Variants in LAMC1 observed in about 807,000 individuals in gnomAD.
LAMC1 encodes the protein laminin subunit gamma-1.
Under a neutral mutation model 173.6 loss-of-function variants are expected in LAMC1, and 38 were observed. The observed-to-expected ratio is 0.22, with a 90% CI of 0.17 to 0.29. The LOEUF is 0.29. LAMC1 is among the 10% of genes least tolerant of loss of function. The pLI is 1.00. For synonymous variants in LAMC1, 746 were observed against 749.1 expected, an observed-to-expected ratio of 1.00 and a Z score of 0.07; for missense variants, 1,824 against 2,051.8, an observed-to-expected ratio of 0.89 and a Z score of 2.14.
chr1:183,086,972 A>G (rs1161544468), intron 1 of LAMC1, among the ~76,000 whole-genome samples: 1 of 152,240 alleles, frequency 6.6e-6, no homozygotes, highest in African/African-American at 2.4e-5. Flanking sequence ...CTTTGGAGCT[A>G]GATGTATACA....
At chr1:183,119,388 C>T (rs778105565) in intron 11 of LAMC1, among the ~76,000 whole-genome samples, 1 of 152,036 alleles carries the variant, frequency 6.6e-6, no homozygotes, top group Non-Finnish European at 1.5e-5. Flanking sequence ...AAATATGAAT[C>T]TGGGGCTTAG....
intron 1 of LAMC1, among the ~76,000 whole-genome samples, chr1:183,030,414 T>A (rs1653819950): frequency 6.6e-6 from 1 of 152,212 alleles, no homozygotes; most frequent in Non-Finnish European, 1.5e-5. Context: ...CAGTGACACT[T>A]GTCTGGCATA....
chr1:183,100,520 C>T (rs150913217), intron 1 of LAMC1, among the ~76,000 whole-genome samples: 1 of 152,324 alleles, frequency 6.6e-6, no homozygotes, highest in East Asian at 1.9e-4. Flanking sequence ...GGCTTTCATA[C>T]ATGCCATTTC....
At chr1:183,111,806 G>T (rs999010237) in intron 4 of LAMC1, among the ~76,000 whole-genome samples, 2 of 152,136 alleles carry the variant, frequency 1.3e-5, no homozygotes, top group East Asian at 1.9e-4. Context: ...AGGCCTATGG[G>T]GTTGGATCAC....
chr1:183,107,850 A>G (rs1656026962), intron 2 of LAMC1, among the ~76,000 whole-genome samples: 1 of 151,936 alleles, frequency 6.6e-6, no homozygotes, highest in Non-Finnish European at 1.5e-5. Context: ...AAAAAAAAGG[A>G]CAGGGGCAGG....
At position 183,118,983 on chromosome 1, in the gene LAMC1, C is replaced by G. The variant is rs572257505; in HGVS notation, c.1990+837C>G. Among the ~76,000 whole-genome samples, 4 of 152,076 alleles carry G rather than the reference C, an allele frequency of 2.6e-5. No individual in the cohort carries two copies. The East Asian group carries it at 7.8e-4, about 29-fold the overall frequency. ...GCATGATCTTGGCTCACTGCAACCT[C>G]CGCCTCCTGGTTCAAGCGATTCTCC... On this transcript the variant is annotated intron_variant, in intron 11 of 27. Coordinates refer to ENST00000258341, the MANE Select transcript of LAMC1 (RefSeq NM_002293.4).
intron 2 of LAMC1, among the ~76,000 whole-genome samples, chr1:183,104,421 C>A (rs1378924367): frequency 6.6e-6 from 1 of 152,178 alleles, no homozygotes; most frequent in African/African-American, 2.4e-5. Context: ...GCTGGTGAGC[C>A]TCATGCTGTA....
intron 1 of LAMC1, among the ~76,000 whole-genome samples, chr1:183,033,163 T>C (rs1331519490): frequency 6.6e-6 from 1 of 152,202 alleles, no homozygotes; most frequent in African/African-American, 2.4e-5. Flanking sequence ...TCTCTTAGTG[T>C]CTTTCTCCTC....
chr1:183,130,654 G>A, intron 19 of LAMC1, 105 bp downstream of exon 19: 2 of 819,170 alleles, frequency 2.4e-6, no homozygotes, highest in Non-Finnish European at 4.0e-6. Flanking sequence ...TTGACTCCAT[G>A]CATCTTTTTA....
intron 16 of LAMC1, 149 bp from the exon 17 acceptor site, chr1:183,127,077 C>A: frequency 1.6e-6 from 1 of 636,048 alleles, no homozygotes; most frequent in South Asian, 2.3e-5. Context: ...ACAGACTTAG[C>A]CATTTAAGAT....
intron 27 of LAMC1, chr1:183,141,197 G>A (rs967837764): frequency 3.3e-5 from 5 of 152,202 alleles, no homozygotes; most frequent in African/African-American, 1.2e-4. Flanking sequence ...CACGCCTGTA[G>A]TCCTAGCTAC....
intron 10 of LAMC1, 136 bp from the exon 11 acceptor site, chr1:183,117,898 A>G: frequency 4.0e-6 from 3 of 744,256 alleles, no homozygotes. Context: ...TTGTACTACC[A>G]AACCAATAGT....
chr1:183,027,737 T>C (rs1653726654), intron 1 of LAMC1, among the ~76,000 whole-genome samples: 1 of 152,236 alleles, frequency 6.6e-6, no homozygotes, highest in Admixed American at 6.5e-5. Context: ...GTTAGAATAA[T>C]TGATATATAA....
chr1:183,134,700 A>T lies in LAMC1; in HGVS notation c.3890A>T (p.Glu1297Val). 2 of 1,613,006 alleles carry T rather than the reference A, an allele frequency of 1.2e-6. No homozygotes were observed. Among genetic ancestry groups the T allele is most frequent in the South Asian group, 1.1e-5 (1 of 90,882 alleles). The change falls in exon 23 of 28, where the codon GAA becomes GTA. Residue 1297 changes from glutamate to valine, a missense_variant. By Grantham distance (121) the Glu-to-Val change is moderately radical. Transcript: ENST00000258341. Reference sequence around the variant, plus strand: ...ATAAAGATGGAAGCTGAGAATCTGGAACAACTGATTGACCAGAAATTAAAA... The same window carrying T: ...ATAAAGATGGAAGCTGAGAATCTGGTACAACTGATTGACCAGAAATTAAAA... ...NNIKMEAENL[E>V]QLIDQKLKDY...
chr1:183,062,627 A>G (rs1402398456), intron 1 of LAMC1, among the ~76,000 whole-genome samples: 2 of 151,804 alleles, frequency 1.3e-5, no homozygotes, highest in Non-Finnish European at 2.9e-5. Context: ...CCTGGGTGAC[A>G]GAGCGAGACT....
chr1:183,111,097 CT>C (rs71297854), intron 4 of LAMC1, among the ~76,000 whole-genome samples: 97 of 144,744 alleles, frequency 6.7e-4, no homozygotes, highest in Admixed American at 8.9e-4. Flanking sequence ...TTTTTCTTTT[CT>C]TTTTTTTTTT....
chr1:183,143,916 A>C lies in LAMC1; in HGVS notation c.*1126A>C, dbSNP rs1657185893. 1 of 152,150 alleles carries C rather than the reference A, an allele frequency of 6.6e-6. No homozygotes were observed. The highest frequency in any genetic ancestry group is 6.5e-5 in the Admixed American group (1 of 15,278). 9.4% of individuals were successfully genotyped at this position (152,150 alleles called of 1,614,324 possible). A position where few individuals can be genotyped will look rare whatever the true frequency, so the allele number is the denominator to read the frequency against. Reference sequence around the variant, plus strand: ...TCCATCTTCCAGAATCCCTCAAAAAACATTGTTTGCCAAATCCTGGTGGCA... The same window carrying C: ...TCCATCTTCCAGAATCCCTCAAAAACCATTGTTTGCCAAATCCTGGTGGCA... On this transcript the variant is annotated 3_prime_UTR_variant, in exon 28 of 28. Transcript: ENST00000258341.
rs769260014 is a variant in LAMC1, at chr1:183,124,808, A to C, written c.2579A>C (p.Tyr860Ser). ...TGCATCTATAACACTGCTGGCTTCT[A>C]TTGTGACCGGTGCAAAGACGGATTT... ...LKCIYNTAGF[Y>S]CDRCKDGFFG... Residue 860 changes from tyrosine to serine, a missense_variant, in exon 14 of 28, where the codon TAT becomes TCT. Physicochemically the swap from Tyr to Ser is moderately radical, Grantham distance 144. Coordinates refer to ENST00000258341, the MANE Select transcript of LAMC1 (RefSeq NM_002293.4). The C allele has an allele frequency of 7.4e-6, 12 of 1,614,048 alleles. No homozygotes were observed. The highest frequency in any genetic ancestry group is 1.0e-5 in the Non-Finnish European group (12 of 1,180,034).
chr1:183,070,555 T>G (rs1654985550), intron 1 of LAMC1, among the ~76,000 whole-genome samples: 1 of 152,198 alleles, frequency 6.6e-6, no homozygotes. Flanking sequence ...GTATTTAATG[T>G]CTAGGGTGGT....
Sources: gnomAD v4.1 joint callset for allele counts (sites outside exome capture counted in the v4.1 genomes callset) on GRCh38, gnomAD v4.1.1 for gene constraint, MANE v1.5 for transcripts, NCBI Gene and HGNC (gene_info 2026-07-23, HGNC 2026-07-21) for gene names.